Variants in VPS45 observed in about 807,000 individuals in gnomAD.
VPS45 encodes the protein vacuolar protein sorting-associated protein 45.
VPS45 carries 35 observed loss-of-function variants against 75.9 expected under a neutral mutation model. The observed-to-expected ratio is 0.46, with a 90% CI of 0.35 to 0.61. The LOEUF is 0.61. Ranked by LOEUF, VPS45 falls within the 20% of genes least tolerant of loss-of-function variation. The pLI, the probability that VPS45 is intolerant of heterozygous loss-of-function variation, is 0.00. For synonymous variants in VPS45, 220 were observed against 238.2 expected (o/e 0.92, Z 0.70); for missense variants, 559 against 685.9 (o/e 0.81, Z 2.07).
intron 3 of VPS45, among the ~76,000 whole-genome samples, chr1:150,074,567 C>T (rs1553797681): frequency 6.6e-6 from 1 of 152,172 alleles, no homozygotes; most frequent in African/African-American, 2.4e-5. Flanking sequence ...AGTCTTCATT[C>T]TCTGGGGTAA....
At chr1:150,120,012 G>A (rs587630373) in intron 14 of VPS45, among the ~76,000 whole-genome samples, 2 of 152,348 alleles carry the variant, frequency 1.3e-5, no homozygotes, top group Non-Finnish European at 2.9e-5. Context: ...GGAGGCTGAG[G>A]CAGGAGAATC....
intron 13 of VPS45, among the ~76,000 whole-genome samples, chr1:150,108,160 T>C (rs880001649): frequency 2.0e-5 from 3 of 152,182 alleles, no homozygotes; most frequent in East Asian, 1.9e-4. Flanking sequence ...ATGTGTTGAA[T>C]TGAGAAATAA....
chr1:150,103,706 A>G (rs782277974), intron 13 of VPS45, among the ~76,000 whole-genome samples: 2 of 152,208 alleles, frequency 1.3e-5, no homozygotes, highest in Non-Finnish European at 1.5e-5. Flanking sequence ...TTTCTTTTCC[A>G]TAAGAGACAG....
chr1:150,139,318 TC>T (rs1659263295), intron 14 of VPS45, among the ~76,000 whole-genome samples: 1 of 152,144 alleles, frequency 6.6e-6, no homozygotes, highest in South Asian at 2.1e-4. Flanking sequence ...CTTATTCACT[TC>T]ACTCTAGCCA....
At chr1:150,103,644 T>C (rs1657165854) in intron 13 of VPS45, among the ~76,000 whole-genome samples, 1 of 152,200 alleles carries the variant, frequency 6.6e-6, no homozygotes, top group African/African-American at 2.4e-5. Flanking sequence ...AGGACAGTGT[T>C]CTCTTACTAT....
chr1:150,082,531 T>G (rs1655775493), intron 9 of VPS45, among the ~76,000 whole-genome samples, 185 bp from the exon 10 acceptor site: 1 of 106,952 alleles, frequency 9.3e-6, no homozygotes, highest in African/African-American at 3.5e-5. Flanking sequence ...AAAAAAAAAC[T>G]CAGTCTACCA....
intron 13 of VPS45, chr1:150,098,763 C>T (rs1656806030): frequency 1.3e-6 from 1 of 778,870 alleles, no homozygotes; most frequent in African/African-American, 1.9e-5. Context: ...GGCAGTATAG[C>T]TATATCCACA....
chr1:150,094,950 A>AT (rs1358875624), intron 13 of VPS45, among the ~76,000 whole-genome samples: 1 of 152,222 alleles, frequency 6.6e-6, no homozygotes, highest in Non-Finnish European at 1.5e-5. Context: ...CTTGAACAAA[A>AT]TGCACATTTA....
intron 2 of VPS45, among the ~76,000 whole-genome samples, chr1:150,069,366 T>C (rs1252891350): frequency 6.6e-6 from 1 of 152,088 alleles, no homozygotes; most frequent in Non-Finnish European, 1.5e-5. Context: ...TAAAAGTTCT[T>C]TGGCCATTTG....
intron 3 of VPS45, among the ~76,000 whole-genome samples, chr1:150,072,607 A>C: frequency 6.8e-6 from 1 of 147,932 alleles, no homozygotes; most frequent in African/African-American, 2.5e-5. Context: ...CAGTGAGCCG[A>C]GATTGCGCCA....
At chr1:150,131,072 T>C (rs1658806761) in intron 14 of VPS45, among the ~76,000 whole-genome samples, 1 of 152,188 alleles carries the variant, frequency 6.6e-6, no homozygotes, top group South Asian at 2.1e-4. Flanking sequence ...TCAGAGGGTG[T>C]AAGCGTTTTT....
intron 13 of VPS45, 67 bp from the exon 14 acceptor site, chr1:150,110,427 CTG>C: frequency 1.4e-6 from 2 of 1,397,668 alleles, no homozygotes; most frequent in Non-Finnish European, 1.9e-6. Context: ...AATTAAAACT[CTG>C]TGTATGTAAG....
Position 150,140,386 on chromosome 1 carries a change from G to GGTTT in VPS45, c.1626-4321_1626-4320insTTGT, listed in dbSNP as rs1247879886. 1.8e-3 allele frequency among the ~76,000 whole-genome samples: 254 copies of GGTTT among 140,430 alleles called. 1 individual carries two copies. The highest frequency in any genetic ancestry group is 6.5e-3 in the African/African-American group (244 of 37,310). 92.1% of individuals were successfully genotyped at this position (140,430 alleles called of 152,430 possible). Reference sequence around the variant, plus strand: ...ATTATATCCCAATTCCATCACTTCTGGTGTGTGTGTGTGTGTGTGTGTGTG... The same window carrying GGTTT: ...ATTATATCCCAATTCCATCACTTCTGGTTTGTGTGTGTGTGTGTGTGTGTGTGTG... On this transcript the variant is annotated intron_variant, in intron 14 of 14. Transcript: ENST00000644510.
Position 150,098,759 on chromosome 1 carries a change from A to G in VPS45, c.1493+5111A>G, listed in dbSNP as rs1376245963. The G allele has an allele frequency of 8.3e-6, 6 of 724,782 alleles. No individual in the cohort carries two copies. The East Asian group carries it at 4.2e-4, about 51-fold the overall frequency. The allele number at this position is 724,782 out of a possible 1,614,324, so 44.9% of individuals were successfully genotyped here. A position where few individuals can be genotyped will look rare whatever the true frequency, so the allele number is the denominator to read the frequency against. ...ATTAGTGTTTAAGCTGTTTGGCAGTATAGCTATATCCACAAATTGGATTTG... is the reference window on the plus strand; with the variant it reads ...ATTAGTGTTTAAGCTGTTTGGCAGTGTAGCTATATCCACAAATTGGATTTG... On this transcript the variant is annotated intron_variant, in intron 13 of 14. Transcript: ENST00000644510.
chr1:150,072,088 A>G, intron 2 of VPS45, 78 bp from the exon 3 acceptor site: 1 of 1,299,448 alleles, frequency 7.7e-7, no homozygotes, highest in Non-Finnish European at 1.1e-6. Context: ...AAATAAACAA[A>G]TCAATGGGTG....
intron 14 of VPS45, among the ~76,000 whole-genome samples, chr1:150,121,832 C>A (rs78455388): frequency 6.6e-6 from 1 of 152,114 alleles, no homozygotes; most frequent in Non-Finnish European, 1.5e-5. Context: ...TGTGAAGCTT[C>A]ATTTTAATGC....
chr1:150,090,586 A>T (rs1255274959), intron 10 of VPS45, among the ~76,000 whole-genome samples: 1 of 152,216 alleles, frequency 6.6e-6, no homozygotes, highest in Admixed American at 6.5e-5. Flanking sequence ...CCTAATAAAA[A>T]TAGTAACAAT....
chr1:150,140,386 G>GGTGTGTGTGT (rs574312693), intron 14 of VPS45, among the ~76,000 whole-genome samples: 4,657 of 140,348 alleles, frequency 0.033, 129 homozygotes, highest in African/African-American at 0.068. Context: ...CATCACTTCT[G>GGTGTGTGTGT]GTGTGTGTGT....
chr1:150,119,009 G>A (rs1658092934), intron 14 of VPS45, among the ~76,000 whole-genome samples: 1 of 152,146 alleles, frequency 6.6e-6, no homozygotes, highest in Admixed American at 6.5e-5. Context: ...AATATCAAGT[G>A]TTTATAGTTT....
Sources: allele counts gnomAD v4.1 joint callset (sites outside exome capture counted in the v4.1 genomes callset), GRCh38; gene constraint gnomAD v4.1.1; transcripts MANE v1.5; gene names NCBI Gene and HGNC (gene_info 2026-07-23, HGNC 2026-07-21).